ZNF625: variants seen among roughly 807,000 people sequenced by gnomAD.
ZNF625 encodes the protein zinc finger protein 625.
A neutral mutation model predicts 11.1 loss-of-function variants in ZNF625; 8 were observed. The ratio of observed to expected loss-of-function variants is 0.72; its 90% CI spans 0.42 to 1.30. The LOEUF is 1.30. Among genes scored for constraint, ZNF625 ranks in the 50% most tolerant of loss-of-function variants. ZNF625 has a pLI of 0.01. For synonymous variants in ZNF625, 145 were observed against 153.4 expected (o/e 0.95, Z 0.41); for missense variants, 349 against 447.6 (o/e 0.78, Z 1.99).
chr19:12,155,181 GCGCCACTGCA>G (rs1977009750), intron 1 of ZNF625, among the ~76,000 whole-genome samples: 1 of 150,234 alleles, frequency 6.7e-6, no homozygotes, highest in South Asian at 2.1e-4. Context: ...AGCCGAGATT[GCGCCACTGCA>G]CTCCAGCCTG....
intron 1 of ZNF625, among the ~76,000 whole-genome samples, chr19:12,152,854 AC>A (rs1288482742): frequency 6.6e-6 from 1 of 151,856 alleles, no homozygotes; most frequent in Non-Finnish European, 1.5e-5. Flanking sequence ...AAAAAAAAAA[AC>A]AACAACAACT....
At chr19:12,148,489 C>T (rs2145610286) in intron 1 of ZNF625, among the ~76,000 whole-genome samples, 1 of 152,210 alleles carries the variant, frequency 6.6e-6, no homozygotes, top group East Asian at 1.9e-4. Flanking sequence ...AATGTAAAAA[C>T]TTTTGTGTGA....
intron 1 of ZNF625, among the ~76,000 whole-genome samples, chr19:12,150,161 T>C (rs1333211162): frequency 6.6e-6 from 1 of 151,882 alleles, no homozygotes; most frequent in Non-Finnish European, 1.5e-5. Context: ...TGTGGAAAAA[T>C]GAAAAACAAA....
intron 1 of ZNF625, among the ~76,000 whole-genome samples, chr19:12,155,447 A>G (rs1232414221): frequency 1.3e-5 from 2 of 152,054 alleles, no homozygotes; most frequent in African/African-American, 4.8e-5. Context: ...ACACAACTTC[A>G]CACTCTCAGC....
chr19:12,152,119 T>G (rs923627370), intron 1 of ZNF625, among the ~76,000 whole-genome samples: 3 of 152,158 alleles, frequency 2.0e-5, no homozygotes, highest in African/African-American at 7.2e-5. Flanking sequence ...TAATGCCATA[T>G]AGGCTAATAC....
chr19:12,147,301 A>T, intron 3 of ZNF625, 94 bp downstream of exon 3: 2 of 1,152,076 alleles, frequency 1.7e-6, no homozygotes, highest in South Asian at 2.9e-5. Context: ...ATACAGTGGA[A>T]CTTGGCTTAT....
At chr19:12,153,811 T>C (rs898173316) in intron 1 of ZNF625, among the ~76,000 whole-genome samples, 2 of 143,802 alleles carry the variant, frequency 1.4e-5, no homozygotes, top group Non-Finnish European at 3.1e-5. Flanking sequence ...ATTTCTTTTT[T>C]TTTTTTTTTT....
Position 12,146,093 on chromosome 19 carries a change from C to T in ZNF625, c.323G>A (p.Gly108Asp), listed in dbSNP as rs1976867914. The T allele has an allele frequency of 6.2e-7, 1 of 1,613,966 alleles. No homozygotes were observed. The change falls in exon 4 of 4, where the codon GGT becomes GAT. Residue 108 changes from glycine to aspartate, a missense_variant. By Grantham distance (94) the Gly-to-Asp change is moderately conservative (BLOSUM62 -1). Transcript: ENST00000439556. ...GTGGTGCCTATTAAGGGATGCATGA[C>T]CCACGCTGACTTCTCCACATGATTT... is the stretch of plus-strand genomic sequence containing the variant. The part of the protein sequence containing the change: ...RVKSCGEVSV[G>D]HASLNRHHRA...
rs1326393751 is a variant in ZNF625, at chr19:12,145,524, T to C, written c.892A>G (p.Thr298Ala). The C allele has an allele frequency of 1.2e-6, 2 of 1,607,674 alleles. No homozygotes were observed. Among genetic ancestry groups the C allele is most frequent in the Non-Finnish European group, 1.7e-6 (2 of 1,174,336 alleles). The stretch of plus-strand genomic sequence containing the variant: ...TTACATTCATAGGGCTTCTCTCCAG[T>C]GTGAGTTCTTTCATGATATCGAACG... ...NSVRYHERTH[T>A]GEKPYECKQC... The change falls in exon 4 of 4, where the codon ACT becomes GCT. Residue 298 changes from threonine to alanine, a missense_variant. Thr to Ala is a moderately conservative substitution (Grantham distance 58). Transcript: ENST00000439556.
chr19:12,149,180 G>A (rs939858028), intron 1 of ZNF625, among the ~76,000 whole-genome samples: 1 of 151,068 alleles, frequency 6.6e-6, no homozygotes. Context: ...AGCTACTCAG[G>A]AGGCTGAGGC....
chr19:12,152,563 C>G (rs1976970621), intron 1 of ZNF625, among the ~76,000 whole-genome samples: 1 of 152,094 alleles, frequency 6.6e-6, no homozygotes, highest in African/African-American at 2.4e-5. Flanking sequence ...AAACACTCGG[C>G]CGGGTGCAGT....
chr19:12,147,385 T>C lies in ZNF625; in HGVS notation c.191+10A>G, dbSNP rs1976891871. On this transcript the variant is annotated intron_variant, in intron 3 of 3. Transcript: ENST00000439556. ...GAGAGACATCACTTTCTCTTGTGAATGCGAATTACCTTAGGTTTCTCCTGG... is the reference window on the plus strand; with the variant it reads ...GAGAGACATCACTTTCTCTTGTGAACGCGAATTACCTTAGGTTTCTCCTGG... The C allele has an allele frequency of 6.6e-7, 1 of 1,523,770 alleles. No individual in the cohort carries two copies. The highest frequency in any genetic ancestry group is 2.4e-5 in the East Asian group (1 of 40,868). The allele number at this position is 1,523,770 out of a possible 1,614,324, so 94.4% of individuals were successfully genotyped here.
chr19:12,147,449 T>G lies in ZNF625; in HGVS notation c.137A>C (p.Lys46Thr). 1 of 1,531,742 alleles carries G rather than the reference T, an allele frequency of 6.5e-7. No individual in the cohort carries two copies. Among genetic ancestry groups the G allele is most frequent in the Non-Finnish European group, 8.7e-7 (1 of 1,144,402 alleles). 94.9% of individuals were successfully genotyped at this position (1,531,742 alleles called of 1,614,324 possible). Residue 46 changes from lysine (K) to threonine (T), a missense_variant, in exon 3 of 4, where the codon AAA becomes ACA. By Grantham distance (78) the Lys-to-Thr change is moderately conservative. Transcript: ENST00000439556. Reference protein sequence around the residue: ...TFRNLASVGKKWKDQKIEDEY... With the variant: ...TFRNLASVGKTWKDQKIEDEY... ...ATCTTCAATTTTCTGATCTTTCCATTTTTTTCCTAAAATACAGAACCAGAA... is the reference window on the plus strand; with the variant it reads ...ATCTTCAATTTTCTGATCTTTCCATGTTTTTCCTAAAATACAGAACCAGAA...
rs746265479 is a variant in ZNF625 at position 12,147,666 on chromosome 19, T to G, written c.130+10A>C. Reference sequence around the variant, plus strand: ...TAATTCACTGAGGAAAGTAATATTGTTACCCTTACCTACAGAAGCCAGGTT... The same window carrying G: ...TAATTCACTGAGGAAAGTAATATTGGTACCCTTACCTACAGAAGCCAGGTT... On this transcript the variant is annotated intron_variant, in intron 2 of 3. Transcript: ENST00000439556. 7 of 1,613,794 alleles carry G rather than the reference T, an allele frequency of 4.3e-6. No homozygotes were observed. The South Asian group carries it at 5.5e-5, about 13-fold the overall frequency.
rs1191823815 is a variant in ZNF625 at position 12,153,448 on chromosome 19, G to T, written c.3+3108C>A. Among the ~76,000 whole-genome samples the T allele has an allele frequency of 2.6e-5, 4 of 151,902 alleles. 1 individual carries two copies. In the South Asian group the frequency reaches 8.3e-4, roughly 32 times the overall value. The stretch of plus-strand genomic sequence containing the variant: ...TGCCTGTAATCCGGCATTTTGGGAA[G>T]CCAAGGCGGGTGGATCACCTGAGGT... On this transcript the variant is annotated intron_variant, in intron 1 of 3. Transcript: ENST00000439556.
rs1976848590 is a variant in ZNF625 at position 12,145,117 on chromosome 19, G to A, written c.*180C>T. 3.0e-6 allele frequency: 2 copies of A among 669,808 alleles called. No individual in the cohort carries two copies. Among genetic ancestry groups the A allele is most frequent in the South Asian group, 1.9e-5 (1 of 53,256 alleles). 41.5% of individuals were successfully genotyped at this position (669,808 alleles called of 1,614,324 possible). ...TCTGTGTCCTAGGTATCTGAGTGAGGCCCCAGCTAAACTACTCCCAAAAAT... is the reference window on the plus strand; with the variant it reads ...TCTGTGTCCTAGGTATCTGAGTGAGACCCCAGCTAAACTACTCCCAAAAAT... On this transcript the variant is annotated 3_prime_UTR_variant, in exon 4 of 4. Transcript: ENST00000439556.
At chr19:12,152,829 G>A (rs1976974899) in intron 1 of ZNF625, among the ~76,000 whole-genome samples, 1 of 151,656 alleles carries the variant, frequency 6.6e-6, no homozygotes, top group South Asian at 2.1e-4. Flanking sequence ...GGATGACGGA[G>A]CGAGACTCCA....
chr19:12,153,997 C>CG (rs1568391200), intron 1 of ZNF625, among the ~76,000 whole-genome samples: 1 of 151,404 alleles, frequency 6.6e-6, no homozygotes, highest in African/African-American at 2.4e-5. Flanking sequence ...TTAGTAGAGA[C>CG]GGGGTTTTAC....
chr19:12,150,902 G>A (rs1001211295), intron 1 of ZNF625, among the ~76,000 whole-genome samples: 18 of 152,174 alleles, frequency 1.2e-4, no homozygotes, highest in African/African-American at 4.3e-4. Context: ...TACCCAGACA[G>A]TGTTCTACGG....
Sources: allele counts gnomAD v4.1 joint callset (sites outside exome capture counted in the v4.1 genomes callset), GRCh38; gene constraint gnomAD v4.1.1; transcripts MANE v1.5; gene names NCBI Gene and HGNC (gene_info 2026-07-23, HGNC 2026-07-21).